Variants in SHROOM3 observed in about 807,000 individuals in gnomAD.
SHROOM3 encodes shroom family member 3.
SHROOM3 carries 47 observed loss-of-function variants against 138.6 expected under a neutral mutation model. The ratio of observed to expected loss-of-function variants is 0.34; its 90% CI spans 0.27 to 0.43. The LOEUF is 0.43. Among genes scored for constraint, SHROOM3 ranks in the 20% least tolerant of loss-of-function variants. SHROOM3 has a pLI of 1.00. For synonymous variants in SHROOM3, 1,062 were observed against 1,063.3 expected, an observed-to-expected ratio of 1.00 and a Z score of 0.02; for missense variants, 2,491 against 2,596.5, an observed-to-expected ratio of 0.96 and a Z score of 0.88.
intron 2 of SHROOM3, among the ~76,000 whole-genome samples, chr4:76,565,630 A>G (rs769411174): frequency 1.3e-5 from 2 of 152,042 alleles, no homozygotes; most frequent in Non-Finnish European, 2.9e-5. Context: ...CTACAGGTGC[A>G]CACCACCACA....
chr4:76,483,787 AT>A (rs1731670097), intron 1 of SHROOM3, among the ~76,000 whole-genome samples: 1 of 152,242 alleles, frequency 6.6e-6, no homozygotes, highest in Non-Finnish European at 1.5e-5. Context: ...TATGGCACGT[AT>A]ATACCATGGA....
At chr4:76,480,283 A>G (rs533550195) in intron 1 of SHROOM3, among the ~76,000 whole-genome samples, 1 of 152,330 alleles carries the variant, frequency 6.6e-6, no homozygotes, top group East Asian at 1.9e-4. Flanking sequence ...AAATAAAGAG[A>G]TGGAGGAAGA....
At chr4:76,454,303 C>A (rs1256191797) in intron 1 of SHROOM3, among the ~76,000 whole-genome samples, 4 of 152,220 alleles carry the variant, frequency 2.6e-5, no homozygotes, top group South Asian at 2.1e-4. Flanking sequence ...CTTGGCCTCA[C>A]AAAGTGCTGG....
chr4:76,767,547 G>A lies in SHROOM3; in HGVS notation c.5350-3079G>A, dbSNP rs574448305. ...ACAAAATTAGCTGGGCGTGGTGGCG[G>A]GTGCCAGTAATCCCAGCTACTCGGG... On this transcript the variant is annotated intron_variant, in intron 9 of 10. Coordinates refer to ENST00000296043, the MANE Select transcript of SHROOM3 (RefSeq NM_020859.4). 1.8e-4 allele frequency among the ~76,000 whole-genome samples: 28 copies of A among 152,118 alleles called. No individual in the cohort carries two copies. In the East Asian group the frequency reaches 5.4e-3, roughly 29 times the overall value.
intron 3 of SHROOM3, 95 bp downstream of exon 3, chr4:76,710,382 G>T: frequency 6.8e-7 from 1 of 1,476,418 alleles, no homozygotes. Flanking sequence ...GGCAAGGATG[G>T]TCAGGATACA....
At chr4:76,541,473 C>G (rs891418173) in intron 1 of SHROOM3, among the ~76,000 whole-genome samples, 10 of 152,186 alleles carry the variant, frequency 6.6e-5, no homozygotes, top group Admixed American at 5.9e-4. Flanking sequence ...TGGCCTCTTG[C>G]TCTCTGAATG....
At chr4:76,753,888 C>T (rs561970349) in intron 6 of SHROOM3, among the ~76,000 whole-genome samples, 1 of 152,320 alleles carries the variant, frequency 6.6e-6, no homozygotes, top group South Asian at 2.1e-4. Context: ...GGGGATCGCA[C>T]TGGGAGAGAA....
At position 76,742,235 on chromosome 4, in the gene SHROOM3, CTT is replaced by C; in HGVS notation, c.3753+314_3753+315del. 3 of 378,994 alleles carry C rather than the reference CTT, an allele frequency of 7.9e-6. No individual in the cohort carries two copies. The South Asian group carries it at 9.0e-5, about 11-fold the overall frequency. The allele number at this position is 378,994 out of a possible 1,614,324, so 23.5% of individuals were successfully genotyped here. A position where few individuals can be genotyped will look rare whatever the true frequency, so the allele number is the denominator to read the frequency against. On this transcript the variant is annotated intron_variant, in intron 5 of 10. Coordinates refer to ENST00000296043, the MANE Select transcript of SHROOM3 (RefSeq NM_020859.4). ...AAGGTTAAGAAAAATTAGGGATTATCTTTTTTGTTTTTTGCTTTTTTTTTTTT... is the reference window on the plus strand; with the variant it reads ...AAGGTTAAGAAAAATTAGGGATTATCTTTTGTTTTTTGCTTTTTTTTTTTT...
chr4:76,622,644 G>A (rs771208351), intron 2 of SHROOM3, among the ~76,000 whole-genome samples: 1 of 151,948 alleles, frequency 6.6e-6, no homozygotes, highest in Non-Finnish European at 1.5e-5. Context: ...AATTTGGAAG[G>A]CATATTTTTT....
At chr4:76,643,186 C>T (rs1046208502) in intron 2 of SHROOM3, among the ~76,000 whole-genome samples, 1 of 141,620 alleles carries the variant, frequency 7.1e-6, no homozygotes, top group Non-Finnish European at 1.5e-5. Flanking sequence ...TGTACTCCAT[C>T]GTGCCATTTT....
chr4:76,473,798 C>G (rs1217128205), intron 1 of SHROOM3, among the ~76,000 whole-genome samples: 1 of 152,054 alleles, frequency 6.6e-6, no homozygotes, highest in African/African-American at 2.4e-5. Context: ...TGGCTGTACT[C>G]AAAAGGACAG....
rs1226611725 is a variant in SHROOM3 at position 76,739,619 on chromosome 4, G to A, written c.1446G>A (p.Gln482=). 1 of 1,614,206 alleles carries A rather than the reference G, an allele frequency of 6.2e-7. No individual in the cohort carries two copies. Among genetic ancestry groups the A allele is most frequent in the Non-Finnish European group, 8.5e-7 (1 of 1,180,046 alleles). ...SLEPHFAQVP[Q]PSVSSNGMLY... ...AGCCACACTTTGCCCAGGTGCCTCA[G>A]CCTTCTGTGAGTAGCAACGGTATGC... Residue 482 remains glutamine, a synonymous_variant, in exon 5 of 11, where the codon CAG becomes CAA. Coordinates refer to ENST00000296043, the MANE Select transcript of SHROOM3 (RefSeq NM_020859.4).
chr4:76,510,958 A>C (rs1373445736), intron 1 of SHROOM3, among the ~76,000 whole-genome samples: 4 of 152,118 alleles, frequency 2.6e-5, no homozygotes, highest in Non-Finnish European at 5.9e-5. Context: ...AGGCAGGTGG[A>C]TCACCTGAGG....
intron 2 of SHROOM3, among the ~76,000 whole-genome samples, chr4:76,561,686 T>TAAAAAAAAA (rs549046211): frequency 2.2e-5 from 2 of 89,398 alleles, no homozygotes; most frequent in Non-Finnish European, 4.3e-5. Flanking sequence ...TCTGTGATGC[T>TAAAAAAAAA]AAAAAAAAAA....
intron 3 of SHROOM3, among the ~76,000 whole-genome samples, chr4:76,725,901 G>A (rs952135686): frequency 1.3e-5 from 2 of 152,110 alleles, no homozygotes; most frequent in Non-Finnish European, 2.9e-5. Flanking sequence ...ATAGACACTT[G>A]CTTGAACTTC....
chr4:76,657,878 C>A (rs564817786), intron 2 of SHROOM3, among the ~76,000 whole-genome samples: 1 of 152,304 alleles, frequency 6.6e-6, no homozygotes, highest in South Asian at 2.1e-4. Context: ...ATTCTAAGAT[C>A]AGTGCCAGCT....
chr4:76,662,434 T>G (rs987985318), intron 2 of SHROOM3, among the ~76,000 whole-genome samples: 3 of 152,178 alleles, frequency 2.0e-5, no homozygotes, highest in Non-Finnish European at 2.9e-5. Flanking sequence ...TCTCTCTGCC[T>G]TCCTCTTCTA....
intron 1 of SHROOM3, among the ~76,000 whole-genome samples, chr4:76,441,097 T>TTTTTTTG (rs896763318): frequency 7.4e-6 from 1 of 135,446 alleles, no homozygotes; most frequent in African/African-American, 2.7e-5. Context: ...TTTTTTTTTT[T>TTTTTTTG]TTTTTTTTTT....
chr4:76,500,936 A>C (rs758086913), intron 1 of SHROOM3, among the ~76,000 whole-genome samples: 8 of 152,032 alleles, frequency 5.3e-5, no homozygotes, highest in Non-Finnish European at 1.2e-4. Context: ...CCTCCATAGT[A>C]GTTGGGACTA....
Sources: gnomAD v4.1 joint callset for allele counts (sites outside exome capture counted in the v4.1 genomes callset) on GRCh38, gnomAD v4.1.1 for gene constraint, MANE v1.5 for transcripts, NCBI Gene and HGNC (gene_info 2026-07-23, HGNC 2026-07-21) for gene names.